MEAF6: variants seen among roughly 807,000 people sequenced by gnomAD.
MEAF6 encodes chromatin modification-related protein MEAF6.
Under a neutral mutation model 28.9 loss-of-function variants are expected in MEAF6, and 15 were observed. The ratio of observed to expected loss-of-function variants is 0.52; its 90% CI spans 0.35 to 0.80. MEAF6 has a LOEUF of 0.80. Among genes scored for constraint, MEAF6 ranks in the 30% least tolerant of loss-of-function variants. The pLI is 0.01. For missense variants in MEAF6, 178 were observed against 237.5 expected (o/e 0.75, Z 1.65); for synonymous variants, 97 against 88.7 (o/e 1.09, Z -0.53).
intron 2 of MEAF6, among the ~76,000 whole-genome samples, chr1:37,512,917 G>T (rs1040028898): frequency 6.6e-6 from 1 of 151,930 alleles, no homozygotes; most frequent in Non-Finnish European, 1.5e-5. Flanking sequence ...GTGGCCAGGC[G>T]TGGTGGCTCA....
At chr1:37,507,402 C>T (rs1405775409) in intron 4 of MEAF6, among the ~76,000 whole-genome samples, 1 of 149,094 alleles carries the variant, frequency 6.7e-6, no homozygotes, top group Non-Finnish European at 1.5e-5. Context: ...TGTTCCTTAA[C>T]CAGTTTAGCT....
intron 5 of MEAF6, among the ~76,000 whole-genome samples, chr1:37,496,262 CTA>C (rs1236135410): frequency 1.3e-5 from 2 of 152,170 alleles, no homozygotes; most frequent in Non-Finnish European, 2.9e-5. Flanking sequence ...AGTTCTGTAA[CTA>C]TATCACTGAA....
intron 1 of MEAF6, 94 bp from the exon 2 acceptor site, chr1:37,513,632 G>T: frequency 9.7e-7 from 1 of 1,028,588 alleles, no homozygotes. Flanking sequence ...ACTCGTAAAC[G>T]CAAGCTTGCC....
At chr1:37,509,230 TGG>T in intron 4 of MEAF6, 46 bp downstream of exon 4, 1 of 1,505,214 alleles carries the variant, frequency 6.6e-7, no homozygotes, top group South Asian at 1.1e-5. Flanking sequence ...GTAAGGGTGA[TGG>T]TAGCTTAAAA....
rs1641968515 is a variant in MEAF6 at position 37,492,482 on chromosome 1, A to C, written c.*1617T>G. 6.6e-6 allele frequency: 1 copy of C among 151,552 alleles called. No homozygotes were observed. The highest frequency in any genetic ancestry group is 1.5e-5 in the Non-Finnish European group (1 of 67,938). 9.4% of individuals were successfully genotyped at this position (151,552 alleles called of 1,614,324 possible). A position where few individuals can be genotyped will look rare whatever the true frequency, so the allele number is the denominator to read the frequency against. The stretch of plus-strand genomic sequence containing the variant: ...TTTTTTTAAGGAATAATCTAAATAT[A>C]AGAAACTATTTCCTTAAAAATCCTG... On this transcript the variant is annotated 3_prime_UTR_variant, in exon 7 of 7. Coordinates refer to ENST00000296214, the MANE Select transcript of MEAF6 (RefSeq NM_001270875.3).
chr1:37,498,991 C>A (rs941202517), intron 5 of MEAF6, among the ~76,000 whole-genome samples: 1 of 151,880 alleles, frequency 6.6e-6, no homozygotes. Context: ...CTCTACAAAA[C>A]AATACAGAAA....
Position 37,493,672 on chromosome 1 carries a change from A to C in MEAF6, c.*427T>G. 1 of 968,658 alleles carries C rather than the reference A, an allele frequency of 1.0e-6. No individual in the cohort carries two copies. The highest frequency in any genetic ancestry group is 2.7e-5 in the Admixed American group (1 of 37,614). 60.0% of individuals were successfully genotyped at this position (968,658 alleles called of 1,614,324 possible). On this transcript the variant is annotated 3_prime_UTR_variant, in exon 7 of 7. Transcript: ENST00000296214. ...GAAAAACAAGAAAACATAAAACAAT[A>C]TAAGAAAATGCCAGATATTTACAGC... is the stretch of plus-strand genomic sequence containing the variant.
In MEAF6 at chr1:37,493,843, A is replaced by G. The variant is rs200212339; in HGVS notation, c.*256T>C. On this transcript the variant is annotated 3_prime_UTR_variant, in exon 7 of 7. Transcript: ENST00000296214. ...AGAAGGGAGAAACGCACAGTTAGCAACTTGCTGGGATTACAACATTGTCTT... is the reference window on the plus strand; with the variant it reads ...AGAAGGGAGAAACGCACAGTTAGCAGCTTGCTGGGATTACAACATTGTCTT... The G allele has an allele frequency of 4.8e-5, 74 of 1,549,754 alleles. No individual in the cohort carries two copies. In the East Asian group the frequency reaches 1.7e-3, roughly 36 times the overall value.
intron 1 of MEAF6, chr1:37,513,799 A>G: frequency 1.8e-6 from 1 of 547,724 alleles, no homozygotes; most frequent in South Asian, 2.7e-5. Context: ...TATACTTTAG[A>G]GGATTCACGG....
chr1:37,507,782 G>A (rs1201523739), intron 4 of MEAF6, among the ~76,000 whole-genome samples: 4 of 150,938 alleles, frequency 2.7e-5, no homozygotes, highest in Non-Finnish European at 5.9e-5. Flanking sequence ...TCAAAATCGT[G>A]CCACTGCACT....
intron 2 of MEAF6, among the ~76,000 whole-genome samples, chr1:37,510,459 G>A (rs1642632974): frequency 1.5e-5 from 2 of 137,116 alleles, no homozygotes; most frequent in African/African-American, 2.7e-5. Context: ...CAGGGTCACT[G>A]CAATCTCCAC....
At chr1:37,502,922 G>T (rs998827515) in intron 4 of MEAF6, among the ~76,000 whole-genome samples, 2 of 147,782 alleles carry the variant, frequency 1.4e-5, no homozygotes, top group Non-Finnish European at 3.0e-5. Flanking sequence ...ACCCAGCCTG[G>T]TAAGTTTTAT....
intron 5 of MEAF6, 39 bp downstream of exon 5, chr1:37,501,765 G>A (rs1294676793): frequency 6.7e-7 from 1 of 1,499,138 alleles, no homozygotes; most frequent in South Asian, 1.3e-5. Flanking sequence ...TCACAGCAAT[G>A]GTCATGGGAG....
chr1:37,490,959 G>A lies in MEAF6; in HGVS notation c.*3140C>T, dbSNP rs902137949. ...GAATAATTGCTTGAACCCTGGAGGCGGAGGTAGCAGTGAGCCAAGATTGTG... is the reference window on the plus strand; with the variant it reads ...GAATAATTGCTTGAACCCTGGAGGCAGAGGTAGCAGTGAGCCAAGATTGTG... On this transcript the variant is annotated 3_prime_UTR_variant, in exon 7 of 7. Coordinates refer to ENST00000296214, the MANE Select transcript of MEAF6 (RefSeq NM_001270875.3). Among the ~76,000 whole-genome samples, 5 of 152,064 alleles carry A rather than the reference G, an allele frequency of 3.3e-5. 1 individual carries two copies. Among genetic ancestry groups the A allele is most frequent in the Non-Finnish European group, 5.9e-5 (4 of 68,012 alleles).
Position 37,491,514 on chromosome 1 carries a change from C to G in MEAF6, c.*2585G>C, listed in dbSNP as rs1169016185. Among the ~76,000 whole-genome samples the G allele has an allele frequency of 6.6e-6, 1 of 152,162 alleles. No individual in the cohort carries two copies. The highest frequency in any genetic ancestry group is 6.5e-5 in the Admixed American group (1 of 15,274). On this transcript the variant is annotated 3_prime_UTR_variant, in exon 7 of 7. Transcript: ENST00000296214. ...CTTGAGGCCAGCCTGGGCAACATAGCAAGAAGCCATCATTACAAAATAAAA... is the reference window on the plus strand; with the variant it reads ...CTTGAGGCCAGCCTGGGCAACATAGGAAGAAGCCATCATTACAAAATAAAA...
At chr1:37,514,437 T>C in intron 1 of MEAF6, 1 of 244,618 alleles carries the variant, frequency 4.1e-6, no homozygotes, top group Non-Finnish European at 7.7e-6. Flanking sequence ...CCCCTCCCCC[T>C]CCCGCGCTCC....
chr1:37,502,045 A>T, intron 4 of MEAF6, 49 bp from the exon 5 acceptor site: 2 of 1,486,448 alleles, frequency 1.3e-6, no homozygotes, highest in Non-Finnish European at 1.8e-6. Context: ...AGTACTCCTC[A>T]GGCAATCTGT....
chr1:37,493,803 G>A lies in MEAF6; in HGVS notation c.*296C>T. On this transcript the variant is annotated 3_prime_UTR_variant, in exon 7 of 7. Transcript: ENST00000296214. ...AAGCTGGTGCCAGCCAGTTTTGGGG[G>A]AGACATTCATTCTAAGAAGGGAGAA... The A allele has an allele frequency of 6.4e-7, 1 of 1,550,862 alleles. No homozygotes were observed. Among genetic ancestry groups the A allele is most frequent in the Admixed American group, 2.0e-5 (1 of 50,830 alleles).
rs142427483 is a variant in MEAF6, at chr1:37,505,184, C to T, written c.341-3188G>A. ...TAGGCATGAGCCACCGTATCTGGCC[C>T]AGTTTTCTTCTTTCTATGGTCTTCA... On this transcript the variant is annotated intron_variant, in intron 4 of 6. Transcript: ENST00000296214. Among the ~76,000 whole-genome samples the T allele has an allele frequency of 3.2e-3, 480 of 152,272 alleles. 4 individuals are homozygous for T. The highest frequency in any genetic ancestry group is 0.011 in the African/African-American group (460 of 41,560).
Sources: allele counts gnomAD v4.1 joint callset (sites outside exome capture counted in the v4.1 genomes callset), GRCh38; gene constraint gnomAD v4.1.1; transcripts MANE v1.5; gene names NCBI Gene and HGNC (gene_info 2026-07-23, HGNC 2026-07-21).